ZNF438: variants seen among roughly 807,000 people sequenced by gnomAD.
ZNF438 encodes the protein zinc finger protein 438.
ZNF438 carries 25 observed loss-of-function variants against 38.0 expected under a neutral mutation model. The ratio of observed to expected loss-of-function variants is 0.66; its 90% confidence interval spans 0.48 to 0.92. ZNF438 has a LOEUF of 0.92. Among genes scored for constraint, ZNF438 ranks in the 40% least tolerant of loss-of-function variants. ZNF438 has a pLI of 0.00. For missense variants in ZNF438, 1,007 were observed against 999.6 expected, an observed-to-expected ratio of 1.01 and a Z score of -0.10; for synonymous variants, 372 against 364.1, an observed-to-expected ratio of 1.02 and a Z score of -0.25.
intron 4 of ZNF438, among the ~76,000 whole-genome samples, chr10:30,856,171 A>T (rs778011794): frequency 6.6e-6 from 1 of 152,204 alleles, no homozygotes; most frequent in Non-Finnish European, 1.5e-5. Flanking sequence ...AAGAATTGCT[A>T]ACGATCAGGG....
intron 1 of ZNF438, among the ~76,000 whole-genome samples, chr10:31,022,260 C>CTTTT (rs57644959): frequency 6.7e-6 from 1 of 149,140 alleles, no homozygotes. Context: ...AGCTTTCTTC[C>CTTTT]TTTTTTTTTT....
At chr10:30,870,361 C>T (rs1450622363) in intron 4 of ZNF438, among the ~76,000 whole-genome samples, 1 of 152,098 alleles carries the variant, frequency 6.6e-6, no homozygotes, top group Non-Finnish European at 1.5e-5. Flanking sequence ...AGGTGATGTC[C>T]TGCCTTCTTC....
At chr10:30,890,996 A>G (rs2040612703) in intron 3 of ZNF438, among the ~76,000 whole-genome samples, 1 of 152,192 alleles carries the variant, frequency 6.6e-6, no homozygotes, top group Non-Finnish European at 1.5e-5. Flanking sequence ...CTGGTTTCCA[A>G]TGTCGGTGTG....
At chr10:30,908,576 A>G (rs1564622140) in intron 3 of ZNF438, among the ~76,000 whole-genome samples, 1 of 152,194 alleles carries the variant, frequency 6.6e-6, no homozygotes, top group Non-Finnish European at 1.5e-5. Flanking sequence ...GCAAGGTAGG[A>G]AATGAATGCA....
intron 4 of ZNF438, among the ~76,000 whole-genome samples, chr10:30,874,114 G>GTGTATA (rs1257613270): frequency 3.2e-4 from 26 of 80,258 alleles, no homozygotes; most frequent in Non-Finnish European, 4.6e-4. Flanking sequence ...GTGTGTGTGT[G>GTGTATA]TATATATATA....
chr10:30,924,851 T>C (rs1221386491), intron 2 of ZNF438, among the ~76,000 whole-genome samples: 1 of 152,152 alleles, frequency 6.6e-6, no homozygotes, highest in Non-Finnish European at 1.5e-5. Flanking sequence ...GTAGAAAAAC[T>C]GGAAAAATCA....
At chr10:30,940,564 G>C (rs1564689420) in intron 2 of ZNF438, among the ~76,000 whole-genome samples, 1 of 152,216 alleles carries the variant, frequency 6.6e-6, no homozygotes, top group Non-Finnish European at 1.5e-5. Context: ...AGCCCAGTTG[G>C]CTCAAGTGGG....
intron 4 of ZNF438, among the ~76,000 whole-genome samples, chr10:30,855,327 C>G (rs553217373): frequency 1.1e-4 from 16 of 152,160 alleles, no homozygotes; most frequent in Non-Finnish European, 1.9e-4. Flanking sequence ...CCGTGCTCCT[C>G]AAGGTCCCTG....
At chr10:30,994,356 T>G (rs994157040) in intron 1 of ZNF438, among the ~76,000 whole-genome samples, 1 of 152,232 alleles carries the variant, frequency 6.6e-6, no homozygotes, top group African/African-American at 2.4e-5. Context: ...GTAGTACTTT[T>G]AAGAGGTGAC....
chr10:30,920,594 T>G (rs1277187652), intron 2 of ZNF438: 1 of 152,198 alleles, frequency 6.6e-6, no homozygotes, highest in Non-Finnish European at 1.5e-5. Context: ...CAGTTTGATC[T>G]CCCTGGGAAT....
intron 5 of ZNF438, 69 bp downstream of exon 6, chr10:30,848,462 T>A (rs1322331661): frequency 6.6e-6 from 10 of 1,520,920 alleles, no homozygotes; most frequent in Non-Finnish European, 8.8e-6. Context: ...TTTCTGAATA[T>A]GAAATCTTCC....
At chr10:31,021,575 CTTTG>C (rs142047795) in intron 1 of ZNF438, among the ~76,000 whole-genome samples, 12,858 of 152,022 alleles carry the variant, frequency 0.085, 611 homozygotes, top group Non-Finnish European at 0.11. Flanking sequence ...ACATTTCTCA[CTTTG>C]TTTTTTTTCT....
chr10:30,945,896 A>G lies in ZNF438; in HGVS notation c.-191-4245T>C, dbSNP rs1489985489. 2.0e-3 allele frequency among the ~76,000 whole-genome samples: 223 copies of G among 113,202 alleles called. 1 individual carries two copies. The highest frequency in any genetic ancestry group is 7.3e-3 in the African/African-American group (207 of 28,454). 74.3% of individuals were successfully genotyped at this position (113,202 alleles called of 152,430 possible). On this transcript the variant is annotated intron_variant, in intron 1 of 5. Transcript: ENST00000413025. ...ATGTGTCTTTATAGCAGCATGATTT[A>G]TAGTCCTTTGGGTATATACCCAGTA...
intron 1 of ZNF438, among the ~76,000 whole-genome samples, chr10:31,028,632 G>A (rs2057090402): frequency 6.6e-6 from 1 of 152,140 alleles, no homozygotes; most frequent in East Asian, 1.9e-4. Context: ...TAATCGGCAT[G>A]TATTTATGCA....
intron 3 of ZNF438, among the ~76,000 whole-genome samples, chr10:30,907,013 C>T (rs1344552317): frequency 3.3e-5 from 5 of 152,150 alleles, no homozygotes; most frequent in East Asian, 1.9e-4. Context: ...TTGCTCTTGT[C>T]GCCCAGGCTG....
intron 4 of ZNF438, among the ~76,000 whole-genome samples, chr10:30,875,785 G>A (rs981894614): frequency 6.6e-6 from 1 of 152,198 alleles, no homozygotes; most frequent in African/African-American, 2.4e-5. Flanking sequence ...CTCCCCATGG[G>A]TCCCCTTGGA....
chr10:30,881,967 A>G (rs1160910596), intron 3 of ZNF438, among the ~76,000 whole-genome samples: 1 of 152,202 alleles, frequency 6.6e-6, no homozygotes, highest in Non-Finnish European at 1.5e-5. Flanking sequence ...CTGAAATATA[A>G]AACTTCTAAA....
At chr10:30,872,942 A>C (rs1564537471) in intron 4 of ZNF438, among the ~76,000 whole-genome samples, 1 of 152,152 alleles carries the variant, frequency 6.6e-6, no homozygotes, top group East Asian at 1.9e-4. Flanking sequence ...ACTTCTTAGC[A>C]CATAAGACAC....
At chr10:31,018,668 A>C (rs2056379119) in intron 1 of ZNF438, among the ~76,000 whole-genome samples, 1 of 152,266 alleles carries the variant, frequency 6.6e-6, no homozygotes, top group Non-Finnish European at 1.5e-5. Flanking sequence ...AACTGATGCC[A>C]AAAACCAGTG....
Sources: gnomAD v4.1 joint callset for allele counts (sites outside exome capture counted in the v4.1 genomes callset) on GRCh38, gnomAD v4.1.1 for gene constraint, MANE v1.5 for transcripts, NCBI Gene and HGNC (gene_info 2026-07-23, HGNC 2026-07-21) for gene names.